GMCL1: variants seen among roughly 807,000 people sequenced by gnomAD.
The protein encoded by GMCL1 is germ cell-less 1, spermatogenesis associated.
In GMCL1, 54 loss-of-function variants were observed where a neutral mutation model predicts 75.5. The observed-to-expected ratio is 0.71, with a 90% CI of 0.57 to 0.90. The LOEUF (loss-of-function observed/expected upper bound fraction) is 0.90, where lower values mean the gene tolerates loss of function less well. Ranked by LOEUF, GMCL1 falls within the 40% of genes least tolerant of loss-of-function variation. The pLI is 0.00. For synonymous variants in GMCL1, 210 were observed against 209.6 expected, an observed-to-expected ratio of 1.00 and a Z score of -0.02; for missense variants, 537 against 622.7, an observed-to-expected ratio of 0.86 and a Z score of 1.47.
In GMCL1 at chr2:69,860,621, A is replaced by T. The variant is rs915027402; in HGVS notation, c.1073-657A>T. On this transcript the variant is annotated intron_variant, in intron 9 of 13. Transcript: ENST00000282570. The stretch of plus-strand genomic sequence containing the variant: ...AAACACTAAAAATATAGTTTCAGAT[A>T]TGATTTTTACAATTGAAAAATTAAT... 2.0e-5 allele frequency among the ~76,000 whole-genome samples: 3 copies of T among 152,178 alleles called. No individual in the cohort carries two copies. In the East Asian group the frequency reaches 5.8e-4, roughly 29 times the overall value.
rs1412217815 is a variant in GMCL1 at position 69,866,806 on chromosome 2, A to T, written c.1218+1831A>T. Among the ~76,000 whole-genome samples, 3 of 152,090 alleles carry T rather than the reference A, an allele frequency of 2.0e-5. No individual in the cohort carries two copies. The East Asian group carries it at 5.8e-4, about 29-fold the overall frequency. On this transcript the variant is annotated intron_variant, in intron 11 of 13. Coordinates refer to ENST00000282570, the MANE Select transcript of GMCL1 (RefSeq NM_178439.5). ...TTATGATAAATGTTCAGAGTATAAA[A>T]GAATAGTTTTCTTTAGTTCTCATTC...
intron 13 of GMCL1, among the ~76,000 whole-genome samples, chr2:69,873,216 C>T (rs1287674449): frequency 2.0e-5 from 3 of 151,994 alleles, no homozygotes; most frequent in Non-Finnish European, 2.9e-5. Context: ...GTAAGATTTC[C>T]GGAAGCAAGG....
chr2:69,845,866 A>G (rs1030669496), intron 6 of GMCL1, among the ~76,000 whole-genome samples: 1 of 152,098 alleles, frequency 6.6e-6, no homozygotes. Flanking sequence ...CAAGGATACA[A>G]ATGTGTCCGA....
At chr2:69,837,407 A>C (rs1423097892) in intron 1 of GMCL1, 140 bp from the exon 2 acceptor site, 2 of 691,406 alleles carry the variant, frequency 2.9e-6, no homozygotes, top group East Asian at 6.7e-5. Context: ...AATATATACT[A>C]TCTCCCTATC....
At position 69,879,235 on chromosome 2, in the gene GMCL1, AT is replaced by A. The variant is rs1055545353; in HGVS notation, c.*232del. 15 of 307,374 alleles carry A rather than the reference AT, an allele frequency of 4.9e-5. No individual in the cohort carries two copies. Among genetic ancestry groups the A allele is most frequent in the African/African-American group, 3.0e-4 (14 of 45,976 alleles). 19.0% of individuals were successfully genotyped at this position (307,374 alleles called of 1,614,324 possible). ...GTAAGAACATTTTAAAGCCAAGAAAATATCTGTCAAACCATTTCTGTTAGAA... is the reference window on the plus strand; with the variant it reads ...GTAAGAACATTTTAAAGCCAAGAAAAATCTGTCAAACCATTTCTGTTAGAA... On this transcript the variant is annotated 3_prime_UTR_variant, in exon 14 of 14. Coordinates refer to ENST00000282570, the MANE Select transcript of GMCL1 (RefSeq NM_178439.5).
At chr2:69,831,085 A>T (rs569436532) in intron 1 of GMCL1, among the ~76,000 whole-genome samples, 1 of 151,910 alleles carries the variant, frequency 6.6e-6, no homozygotes, top group East Asian at 1.9e-4. Context: ...CGCCTGGCTA[A>T]TGTTTTCTGT....
intron 4 of GMCL1, chr2:69,842,857 G>A (rs1675021978): frequency 1.1e-5 from 2 of 181,574 alleles, no homozygotes; most frequent in Admixed American, 1.2e-4. Flanking sequence ...CTCAGACAGG[G>A]GAAGAATAGA....
At chr2:69,857,447 C>G (rs999052104) in intron 9 of GMCL1, among the ~76,000 whole-genome samples, 1 of 152,196 alleles carries the variant, frequency 6.6e-6, no homozygotes, top group African/African-American at 2.4e-5. Flanking sequence ...TTCATTATTT[C>G]TCTTTTTCAT....
chr2:69,865,061 T>C, intron 11 of GMCL1, 86 bp downstream of exon 11: 1 of 980,072 alleles, frequency 1.0e-6, no homozygotes, highest in Non-Finnish European at 1.6e-6. Flanking sequence ...TCATGACACC[T>C]GTCATACCTC....
At chr2:69,849,197 G>T (rs1675239820) in intron 7 of GMCL1, among the ~76,000 whole-genome samples, 1 of 151,924 alleles carries the variant, frequency 6.6e-6, no homozygotes. Flanking sequence ...TGGAGACAAG[G>T]TCTCGCTCTG....
chr2:69,843,942 G>A (rs574763730), intron 5 of GMCL1, among the ~76,000 whole-genome samples, 189 bp from the exon 6 acceptor site: 1 of 151,538 alleles, frequency 6.6e-6, no homozygotes, highest in African/African-American at 2.4e-5. Flanking sequence ...AAATGCTCTC[G>A]TTAATATAAA....
intron 10 of GMCL1, 58 bp from the exon 11 acceptor site, chr2:69,864,842 T>C: frequency 8.7e-7 from 1 of 1,150,598 alleles, no homozygotes; most frequent in Non-Finnish European, 1.3e-6. Context: ...TCATAGTTCT[T>C]TTTTAATTAT....
chr2:69,868,135 T>C (rs1675874441), intron 11 of GMCL1, among the ~76,000 whole-genome samples: 1 of 152,140 alleles, frequency 6.6e-6, no homozygotes, highest in South Asian at 2.1e-4. Context: ...CACAGTGGTA[T>C]GCACCTGCAA....
At chr2:69,844,088 A>G in intron 5 of GMCL1, 43 bp from the exon 6 acceptor site, 1 of 932,338 alleles carries the variant, frequency 1.1e-6, no homozygotes. Flanking sequence ...ATAAATTGTA[A>G]ATACATGGCA....
chr2:69,830,967 C>T (rs913677065), intron 1 of GMCL1, among the ~76,000 whole-genome samples: 1 of 152,084 alleles, frequency 6.6e-6, no homozygotes, highest in African/African-American at 2.4e-5. Context: ...TCACTCAGGC[C>T]GGAGTGCAGT....
chr2:69,832,841 C>T (rs1283883587), intron 1 of GMCL1, among the ~76,000 whole-genome samples: 1 of 152,142 alleles, frequency 6.6e-6, no homozygotes, highest in East Asian at 1.9e-4. Flanking sequence ...ATTAACAAGG[C>T]ACAGAGAATT....
intron 13 of GMCL1, among the ~76,000 whole-genome samples, chr2:69,872,318 A>T (rs912325373): frequency 3.3e-5 from 5 of 152,174 alleles, no homozygotes; most frequent in Admixed American, 1.3e-4. Flanking sequence ...CTCCAAAGCC[A>T]TTTATTTATT....
chr2:69,874,712 A>G (rs1487775358), intron 13 of GMCL1, among the ~76,000 whole-genome samples: 1 of 151,520 alleles, frequency 6.6e-6, no homozygotes, highest in Non-Finnish European at 1.5e-5. Context: ...TTATATATTA[A>G]AAATACATTT....
chr2:69,838,815 G>A (rs373398041), intron 2 of GMCL1, among the ~76,000 whole-genome samples: 1 of 152,154 alleles, frequency 6.6e-6, no homozygotes, highest in East Asian at 1.9e-4. Flanking sequence ...CAAGCCACAT[G>A]CTAAAATATA....
Sources: gnomAD v4.1 joint callset for allele counts (sites outside exome capture counted in the v4.1 genomes callset) on GRCh38, gnomAD v4.1.1 for gene constraint, MANE v1.5 for transcripts, NCBI Gene and HGNC (gene_info 2026-07-23, HGNC 2026-07-21) for gene names.